NRXN1: variants seen among roughly 807,000 people sequenced by gnomAD.
NRXN1 encodes the protein neurexin-1.
A neutral mutation model predicts 150.9 loss-of-function variants in NRXN1; 39 were observed. The observed-to-expected ratio is 0.26, with a 90% confidence interval of 0.20 to 0.34. The LOEUF (loss-of-function observed/expected upper bound fraction) is 0.34. NRXN1 is among the 10% of genes least tolerant of loss of function. The pLI is 1.00. For missense variants in NRXN1, 1,815 were observed against 1,949.9 expected (o/e 0.93, Z 1.30); for synonymous variants, 924 against 757.0 (o/e 1.22, Z -3.62).
At chr2:50,261,619 A>G (rs1281311281) in intron 17 of NRXN1, among the ~76,000 whole-genome samples, 2 of 151,948 alleles carry the variant, frequency 1.3e-5, no homozygotes, top group Non-Finnish European at 2.9e-5. Flanking sequence ...ATTTTTAAAT[A>G]AACCAACCAA....
chr2:49,987,653 T>TA (rs1384524640), intron 21 of NRXN1, among the ~76,000 whole-genome samples: 1 of 152,024 alleles, frequency 6.6e-6, no homozygotes, highest in Non-Finnish European at 1.5e-5. Flanking sequence ...ATATGTGATA[T>TA]AGTAGTATTT....
intron 18 of NRXN1, among the ~76,000 whole-genome samples, chr2:50,197,509 G>A (rs1408312571): frequency 1.3e-5 from 2 of 152,056 alleles, no homozygotes; most frequent in Non-Finnish European, 2.9e-5. Context: ...ACGTTACAGA[G>A]ATTGAAGTAA....
At chr2:50,857,986 T>C (rs1053531030) in intron 5 of NRXN1, among the ~76,000 whole-genome samples, 1 of 152,096 alleles carries the variant, frequency 6.6e-6, no homozygotes, top group African/African-American at 2.4e-5. Flanking sequence ...TTCAGGTGTT[T>C]TGGTTACAGC....
intron 5 of NRXN1, among the ~76,000 whole-genome samples, chr2:50,710,208 G>A (rs1246438408): frequency 2.0e-5 from 3 of 152,152 alleles, no homozygotes; most frequent in African/African-American, 7.2e-5. Context: ...CACACGCCAG[G>A]AAAGAACCTC....
In NRXN1 at chr2:50,140,371, G is replaced by A. The variant is rs901307852; in HGVS notation, c.3547-48877C>T. ...TGACCATGTTACTCTTCTTATCACC[G>A]AAATCTGATAACCACTGCAGTACCA... On this transcript the variant is annotated intron_variant, in intron 18 of 22. Coordinates refer to ENST00000401669, the MANE Select transcript of NRXN1 (RefSeq NM_001330078.2). Among the ~76,000 whole-genome samples, 20 of 151,816 alleles carry A rather than the reference G, an allele frequency of 1.3e-4. 1 individual carries two copies. Among genetic ancestry groups the A allele is most frequent in the African/African-American group, 2.2e-4 (9 of 41,320 alleles).
At chr2:50,063,547 GACACACACACACACACACACAC>G (rs3046664) in intron 19 of NRXN1, among the ~76,000 whole-genome samples, 1 of 137,516 alleles carries the variant, frequency 7.3e-6, no homozygotes, top group East Asian at 2.2e-4. Context: ...CACCTCAACA[GACACACACACACACACACACAC>G]ACACACACAC....
chr2:50,181,984 C>A (rs1168071989), intron 18 of NRXN1, among the ~76,000 whole-genome samples: 1 of 151,420 alleles, frequency 6.6e-6, no homozygotes, highest in Non-Finnish European at 1.5e-5. Context: ...AATTTTTCAA[C>A]TTAAAAAACT....
At chr2:50,792,706 G>A (rs1404323607) in intron 5 of NRXN1, among the ~76,000 whole-genome samples, 1 of 151,566 alleles carries the variant, frequency 6.6e-6, no homozygotes, top group East Asian at 1.9e-4. Context: ...AAGGGTAAAC[G>A]GTTAATTAAA....
At chr2:50,800,962 T>A (rs547041291) in intron 5 of NRXN1, among the ~76,000 whole-genome samples, 5 of 152,332 alleles carry the variant, frequency 3.3e-5, no homozygotes, top group African/African-American at 1.2e-4. Flanking sequence ...TTATTTTACG[T>A]CACTTTCTAA....
intron 13 of NRXN1, among the ~76,000 whole-genome samples, chr2:50,499,038 C>T (rs534646978): frequency 2.6e-5 from 4 of 152,290 alleles, no homozygotes; most frequent in African/African-American, 7.2e-5. Context: ...ATGTGTGTCC[C>T]CTTTGGCCAG....
intron 19 of NRXN1, among the ~76,000 whole-genome samples, chr2:50,082,834 G>C (rs1698159853): frequency 7.4e-6 from 1 of 135,222 alleles, no homozygotes; most frequent in Non-Finnish European, 1.6e-5. Flanking sequence ...GGAGAAATCG[G>C]GAAAGAAGAG....
intron 5 of NRXN1, among the ~76,000 whole-genome samples, chr2:50,788,287 A>T (rs1705425302): frequency 6.6e-6 from 1 of 151,814 alleles, no homozygotes; most frequent in Admixed American, 6.6e-5. Context: ...ATGGGGTTTC[A>T]CCATGTTAGC....
intron 5 of NRXN1, among the ~76,000 whole-genome samples, chr2:50,802,170 C>A (rs1480879873): frequency 6.6e-6 from 1 of 152,110 alleles, no homozygotes; most frequent in African/African-American, 2.4e-5. Flanking sequence ...TCCTAACCCT[C>A]AGTGCCTCAG....
At chr2:50,266,338 A>G (rs2068862155) in intron 17 of NRXN1, among the ~76,000 whole-genome samples, 1 of 149,762 alleles carries the variant, frequency 6.7e-6, no homozygotes, top group Non-Finnish European at 1.5e-5. Flanking sequence ...AGTTTTTCCA[A>G]GAACCACCCT....
intron 17 of NRXN1, among the ~76,000 whole-genome samples, chr2:50,250,675 T>G (rs912370436): frequency 1.3e-5 from 2 of 151,848 alleles, no homozygotes; most frequent in Non-Finnish European, 2.9e-5. Flanking sequence ...AGTAGAAAAA[T>G]GTAATATTAA....
intron 5 of NRXN1, among the ~76,000 whole-genome samples, chr2:50,786,057 G>T (rs1705068985): frequency 6.6e-6 from 1 of 152,058 alleles, no homozygotes; most frequent in African/African-American, 2.4e-5. Context: ...GGGAGGAAGA[G>T]ATGTCAGGAT....
At chr2:51,031,830 C>T (rs1671615295) in intron 1 of NRXN1, among the ~76,000 whole-genome samples, 151 bp downstream of exon 1, 1 of 152,052 alleles carries the variant, frequency 6.6e-6, no homozygotes, top group African/African-American at 2.4e-5. Context: ...TCATGCAAAA[C>T]AACCAAGATC....
At chr2:50,930,868 C>T (rs983142043) in intron 2 of NRXN1, among the ~76,000 whole-genome samples, 6 of 152,134 alleles carry the variant, frequency 3.9e-5, no homozygotes, top group Non-Finnish European at 7.4e-5. Context: ...TTAAACAACT[C>T]TCCTAAGAAA....
rs146655852 is a variant in NRXN1 at position 50,724,274 on chromosome 2, G to A, written c.833-100659C>T. Reference sequence around the variant, plus strand: ...TATAAGGTGCTTTAATCATCCTAATGAAGGAAATGAAGATGATGAAATATT... The same window carrying A: ...TATAAGGTGCTTTAATCATCCTAATAAAGGAAATGAAGATGATGAAATATT... On this transcript the variant is annotated intron_variant, in intron 5 of 22. Transcript: ENST00000401669. 3.3e-3 allele frequency among the ~76,000 whole-genome samples: 503 copies of A among 152,260 alleles called. 3 individuals carry two copies. Among genetic ancestry groups the A allele is most frequent in the African/African-American group, 0.011 (463 of 41,556 alleles).
Sources: gnomAD v4.1 joint callset for allele counts (sites outside exome capture counted in the v4.1 genomes callset) on GRCh38, gnomAD v4.1.1 for gene constraint, MANE v1.5 for transcripts, NCBI Gene and HGNC (gene_info 2026-07-23, HGNC 2026-07-21) for gene names.